The following ZNF236 variants were observed in gnomAD, a reference collection of about 807,000 sequenced individuals.
ZNF236 encodes zinc finger protein 236, also known as regulated by glucose.
In ZNF236, 50 loss-of-function variants were observed where a neutral mutation model predicts 191.2. The ratio of observed to expected loss-of-function variants is 0.26; its 90% confidence interval spans 0.21 to 0.33. ZNF236 has a LOEUF of 0.33. Among genes scored for constraint, ZNF236 ranks in the 10% least tolerant of loss-of-function variants. The pLI is 1.00. For missense variants in ZNF236, 1,754 were observed against 2,374.5 expected, an observed-to-expected ratio of 0.74 and a Z score of 5.43; for synonymous variants, 907 against 928.8, an observed-to-expected ratio of 0.98 and a Z score of 0.43.
chr18:76,844,887 C>T (rs1975627900), intron 1 of ZNF236, among the ~76,000 whole-genome samples: 1 of 152,134 alleles, frequency 6.6e-6, no homozygotes, highest in South Asian at 2.1e-4. Context: ...GGTGCCAAGT[C>T]ATGACAGACC....
chr18:76,887,258 C>G (rs565008252), intron 9 of ZNF236, among the ~76,000 whole-genome samples: 1 of 151,996 alleles, frequency 6.6e-6, no homozygotes, highest in Admixed American at 6.6e-5. Flanking sequence ...TGTAGTCCCA[C>G]CTACTCGGGA....
chr18:76,947,716 G>A (rs1336084866), intron 27 of ZNF236, 64 bp downstream of exon 27: 14 of 1,562,674 alleles, frequency 9.0e-6, no homozygotes, highest in Non-Finnish European at 1.2e-5. Context: ...ATTCAGAAGG[G>A]ATGGTGGTAG....
At position 76,868,733 on chromosome 18, in the gene ZNF236, C is replaced by T; in HGVS notation, c.412C>T (p.Leu138=). ...CGDEFTLQSQ[L]AVHMEEHRQE... is the part of the protein sequence containing the mutation. ...GGATGAGTTTACTCTGCAGAGTCAG[C>T]TGGCCGTGCACATGGAGGAGCACCG... Residue 138 remains leucine (L), a synonymous_variant, in exon 4 of 31, where the codon CTG becomes TTG. Coordinates refer to ENST00000320610, the MANE Select transcript of ZNF236 (RefSeq NM_001306089.2). The T allele has an allele frequency of 6.2e-7, 1 of 1,613,792 alleles. No homozygotes were observed. The highest frequency in any genetic ancestry group is 8.5e-7 in the Non-Finnish European group (1 of 1,179,848).
intron 1 of ZNF236, among the ~76,000 whole-genome samples, chr18:76,837,017 A>G (rs1012074513): frequency 6.6e-6 from 1 of 151,726 alleles, no homozygotes; most frequent in Non-Finnish European, 1.5e-5. Context: ...CTGGGATTGC[A>G]AGCGTGTGCC....
At position 76,875,492 on chromosome 18, in the gene ZNF236, G is replaced by A; in HGVS notation, c.668G>A (p.Gly223Asp). 6.6e-7 allele frequency: 1 copy of A among 1,520,060 alleles called. No homozygotes were observed. Among genetic ancestry groups the A allele is most frequent in the Non-Finnish European group, 8.9e-7 (1 of 1,127,618 alleles). The allele number at this position is 1,520,060 out of a possible 1,614,324, so 94.2% of individuals were successfully genotyped here. ...TTTGATCATTTTTCTCCCACTCTAG[G>A]TGAAAGGCCGTTCAAATGTAGTGAA... Reference protein sequence around the residue: ...QLTRHIRIHTGERPFKCSECG... With the variant: ...QLTRHIRIHTDERPFKCSECG... The change falls in exon 6 of 31, where the codon GGT (glycine) becomes GAT (aspartate). Residue 223 changes from glycine to aspartate, a missense_variant and splice_region_variant. Coordinates refer to ENST00000320610, the MANE Select transcript of ZNF236 (RefSeq NM_001306089.2). This position sits in a 1 kb window ranked among gnomAD's most constrained non-coding sequence, Gnocchi z 4.3.
intron 9 of ZNF236, among the ~76,000 whole-genome samples, chr18:76,893,596 G>A (rs1409695874): frequency 6.6e-6 from 1 of 152,038 alleles, no homozygotes; most frequent in East Asian, 1.9e-4. Flanking sequence ...CAACTCCTAT[G>A]TCCTGGGCTC....
In ZNF236 at chr18:76,928,046, G is replaced by C. The variant is rs76679748; in HGVS notation, c.4534G>C (p.Ala1512Pro). 6.2e-7 allele frequency: 1 copy of C among 1,613,498 alleles called. No individual in the cohort carries two copies. The highest frequency in any genetic ancestry group is 8.5e-7 in the Non-Finnish European group (1 of 1,179,742). The stretch of plus-strand genomic sequence containing the variant: ...CCTGAGCCAGGTCCTGGCACAGGCC[G>C]CTGGGCCCACTGCCACGTCTTCCTC... ...SSLSQVLAQA[A>P]GPTATSSSGS... Residue 1512 changes from alanine to proline, a missense_variant, in exon 25 of 31, where the codon GCT becomes CCT. Ala to Pro is a conservative substitution (Grantham distance 27, BLOSUM62 -1). Around this residue, in one of 5 missense-constraint regions of ZNF236, gnomAD observed 606 missense variants for 761.5 expected, o/e 0.80. Transcript: ENST00000320610.
chr18:76,838,750 A>G (rs913812953), intron 1 of ZNF236, among the ~76,000 whole-genome samples: 14 of 152,212 alleles, frequency 9.2e-5, no homozygotes, highest in African/African-American at 3.4e-4. Context: ...GATATATAAC[A>G]CACAGAGAAG....
chr18:76,950,388 G>A (rs2122929123), intron 27 of ZNF236, among the ~76,000 whole-genome samples: 1 of 152,250 alleles, frequency 6.6e-6, no homozygotes, highest in Middle Eastern at 3.4e-3. Flanking sequence ...TCAAGTAACT[G>A]CTTTCTTTGC....
At chr18:76,923,365 A>T (rs1967591679) in intron 21 of ZNF236, among the ~76,000 whole-genome samples, 191 bp downstream of exon 21, 1 of 151,270 alleles carries the variant, frequency 6.6e-6, no homozygotes. Flanking sequence ...TGACACTAAG[A>T]AAAAAAAGGA....
chr18:76,857,597 A>G (rs1976081881), intron 3 of ZNF236, among the ~76,000 whole-genome samples: 1 of 152,170 alleles, frequency 6.6e-6, no homozygotes, highest in Non-Finnish European at 1.5e-5. Context: ...ATATTTGGAT[A>G]TTAACCAACT....
At chr18:76,840,177 A>G (rs1019206740) in intron 1 of ZNF236, among the ~76,000 whole-genome samples, 4 of 152,198 alleles carry the variant, frequency 2.6e-5, no homozygotes, top group Non-Finnish European at 4.4e-5. Context: ...AGTATTTCAA[A>G]GGGGGTCGAT....
At chr18:76,922,133 G>T (rs1967553252) in intron 20 of ZNF236, among the ~76,000 whole-genome samples, 1 of 152,140 alleles carries the variant, frequency 6.6e-6, no homozygotes, top group Non-Finnish European at 1.5e-5. Context: ...TAATGGCAGT[G>T]TAGGGTTCTG....
At chr18:76,907,297 A>G (rs1977770022) in intron 13 of ZNF236, among the ~76,000 whole-genome samples, 1 of 152,230 alleles carries the variant, frequency 6.6e-6, no homozygotes, top group South Asian at 2.1e-4. Context: ...TGCAGCTTGT[A>G]TGGTCTGTGT....
chr18:76,834,756 G>T, intron 1 of ZNF236: 1 of 452,312 alleles, frequency 2.2e-6, no homozygotes. Flanking sequence ...GGCATGGATC[G>T]AACATTGTAC....
At chr18:76,864,712 A>G (rs1976354599) in intron 3 of ZNF236, among the ~76,000 whole-genome samples, 1 of 150,776 alleles carries the variant, frequency 6.6e-6, no homozygotes, top group Non-Finnish European at 1.5e-5. Context: ...TACTCAGGAC[A>G]GTGATATTTA....
intron 27 of ZNF236, among the ~76,000 whole-genome samples, chr18:76,950,216 C>A (rs920575520): frequency 6.6e-6 from 1 of 152,182 alleles, no homozygotes; most frequent in Non-Finnish European, 1.5e-5. Flanking sequence ...CCATAGCATG[C>A]AATGATGTTT....
At chr18:76,888,579 CT>C (rs995653695) in intron 9 of ZNF236, 1 of 152,346 alleles carries the variant, frequency 6.6e-6, no homozygotes, top group East Asian at 1.9e-4. Flanking sequence ...AGCAGAAAGA[CT>C]TTGTGTCACC....
At chr18:76,895,358 A>C in intron 10 of ZNF236, 73 bp downstream of exon 10, 1 of 1,562,626 alleles carries the variant, frequency 6.4e-7, no homozygotes, top group Non-Finnish European at 8.7e-7. Flanking sequence ...ACATATACCA[A>C]ACACAGGTAT....
Sources: allele counts gnomAD v4.1 joint callset (sites outside exome capture counted in the v4.1 genomes callset), GRCh38; gene constraint gnomAD v4.1.1; regional missense constraint gnomAD v4.1.1; non-coding constraint Gnocchi (gnomAD v3.1); transcripts MANE v1.5; gene names NCBI Gene and HGNC (gene_info 2026-07-23, HGNC 2026-07-21).